The following XPR1 variants were observed in gnomAD, a reference collection of about 807,000 sequenced individuals.
XPR1 encodes solute carrier family 53 member 1.
A neutral mutation model predicts 87.5 loss-of-function variants in XPR1; 28 were observed. The ratio of observed to expected loss-of-function variants is 0.32; its 90% CI spans 0.24 to 0.44. XPR1 has a LOEUF of 0.44. Ranked by LOEUF, XPR1 falls within the 20% of genes least tolerant of loss-of-function variation. The probability of loss-of-function intolerance (pLI) is 1.00; values close to 1 mark genes in which losing one functional copy is unlikely to be tolerated. For synonymous variants in XPR1, 300 were observed against 306.1 expected (o/e 0.98, Z 0.21); for missense variants, 559 against 862.3 (o/e 0.65, Z 4.41).
At chr1:180,853,626 GAC>G (rs143320476) in intron 11 of XPR1, among the ~76,000 whole-genome samples, 42,067 of 139,962 alleles carry the variant, frequency 0.3, 6,470 homozygotes, top group East Asian at 0.64. Context: ...TTAGACTATA[GAC>G]ACACACACAC....
chr1:180,764,538 T>C (rs372642873), intron 2 of XPR1, among the ~76,000 whole-genome samples: 4 of 152,048 alleles, frequency 2.6e-5, no homozygotes, highest in East Asian at 3.9e-4. Context: ...AGTGCGATCA[T>C]GGCTCACTGC....
At chr1:180,644,390 C>T (rs112683182) in intron 1 of XPR1, among the ~76,000 whole-genome samples, 4 of 151,134 alleles carry the variant, frequency 2.6e-5, no homozygotes, top group Non-Finnish European at 5.9e-5. Flanking sequence ...GTTGGCTCTC[C>T]CTCTTCTGAT....
intron 2 of XPR1, among the ~76,000 whole-genome samples, chr1:180,736,833 T>C (rs1053125482): frequency 6.6e-5 from 10 of 152,152 alleles, no homozygotes; most frequent in Admixed American, 6.5e-4. Flanking sequence ...TGAGCAGGTA[T>C]ACGCAGATTT....
At chr1:180,670,037 G>T (rs766289066) in intron 1 of XPR1, among the ~76,000 whole-genome samples, 1 of 151,938 alleles carries the variant, frequency 6.6e-6, no homozygotes, top group Middle Eastern at 3.2e-3. Context: ...TCTCCTTTGT[G>T]TCTTTTAAGT....
At chr1:180,807,053 T>C (rs1454302140) in intron 6 of XPR1, among the ~76,000 whole-genome samples, 1 of 152,058 alleles carries the variant, frequency 6.6e-6, no homozygotes, top group African/African-American at 2.4e-5. Context: ...AGAGCTTCCA[T>C]AGCCTAATGA....
intron 7 of XPR1, among the ~76,000 whole-genome samples, chr1:180,816,262 G>A (rs1293025275): frequency 1.3e-5 from 2 of 152,164 alleles, no homozygotes; most frequent in Non-Finnish European, 2.9e-5. Flanking sequence ...CATAAGGAGC[G>A]CGCAACCTAG....
chr1:180,698,866 G>T (rs969379532), intron 2 of XPR1, among the ~76,000 whole-genome samples: 14 of 152,108 alleles, frequency 9.2e-5, no homozygotes, highest in Non-Finnish European at 1.0e-4. Context: ...TTTGTAGTGA[G>T]AAATCTGCTG....
chr1:180,699,442 C>T (rs1657284963), intron 2 of XPR1, among the ~76,000 whole-genome samples: 1 of 109,174 alleles, frequency 9.2e-6, no homozygotes, highest in Admixed American at 9.6e-5. Context: ...TCAATTCCCA[C>T]CTATGAGTGA....
At chr1:180,656,440 TATA>T (rs1175203127) in intron 1 of XPR1, among the ~76,000 whole-genome samples, 1 of 45,724 alleles carries the variant, frequency 2.2e-5, no homozygotes, top group Non-Finnish European at 4.0e-5. Context: ...TATATTTATA[TATA>T]AATATTTATA....
chr1:180,788,528 T>C (rs1391736593), intron 3 of XPR1, among the ~76,000 whole-genome samples: 1 of 152,150 alleles, frequency 6.6e-6, no homozygotes. Flanking sequence ...GTGAGTTAGA[T>C]TCAGAAGGAT....
chr1:180,677,179 C>T (rs1656395564), intron 1 of XPR1, among the ~76,000 whole-genome samples: 1 of 152,200 alleles, frequency 6.6e-6, no homozygotes, highest in East Asian at 1.9e-4. Flanking sequence ...ATGGGATGCC[C>T]AGGCTACCCA....
At chr1:180,647,001 C>T (rs1018415088) in intron 1 of XPR1, among the ~76,000 whole-genome samples, 1 of 152,210 alleles carries the variant, frequency 6.6e-6, no homozygotes, top group African/African-American at 2.4e-5. Context: ...GCAGTCAAAC[C>T]ACTCTGCTAA....
chr1:180,765,166 T>C (rs747847243), intron 2 of XPR1, among the ~76,000 whole-genome samples: 14 of 152,194 alleles, frequency 9.2e-5, no homozygotes, highest in Non-Finnish European at 5.9e-5. Context: ...AACAGTGCTA[T>C]GGATGAGGTA....
intron 2 of XPR1, among the ~76,000 whole-genome samples, chr1:180,742,220 T>A (rs1357846952): frequency 6.6e-6 from 1 of 152,142 alleles, no homozygotes; most frequent in Admixed American, 6.5e-5. Flanking sequence ...TTCTATTTTC[T>A]TAAAGTGGAA....
intron 1 of XPR1, among the ~76,000 whole-genome samples, chr1:180,676,885 C>T (rs940548985): frequency 2.6e-5 from 4 of 151,986 alleles, no homozygotes; most frequent in African/African-American, 4.8e-5. Flanking sequence ...AGATGTGGTC[C>T]ATTAATAAAG....
At chr1:180,672,837 A>G (rs1242434505) in intron 1 of XPR1, among the ~76,000 whole-genome samples, 4 of 152,128 alleles carry the variant, frequency 2.6e-5, no homozygotes, top group Middle Eastern at 3.2e-3. Context: ...AAGGTTGTTC[A>G]GATAAAAAAG....
intron 2 of XPR1, among the ~76,000 whole-genome samples, chr1:180,779,831 C>G (rs1233824457): frequency 2.0e-5 from 3 of 152,238 alleles, no homozygotes; most frequent in African/African-American, 7.2e-5. Flanking sequence ...CCCCGCTCCT[C>G]CTACCCCCAG....
rs143654752 is a variant in XPR1, at chr1:180,769,702, T to G, written c.122-18051T>G. On this transcript the variant is annotated intron_variant, in intron 2 of 14. Transcript: ENST00000367590. The stretch of plus-strand genomic sequence containing the variant: ...TCTGTCAATGGACATTTAGGTTGTT[T>G]CCAAGTCTTGGCTATTGTGAACGGC... Among the ~76,000 whole-genome samples the G allele has an allele frequency of 1.6e-3, 249 of 152,324 alleles. 5 individuals are homozygous for G. Among genetic ancestry groups the G allele is most frequent in the Non-Finnish European group, 5.4e-4 (37 of 68,020 alleles).
At chr1:180,648,180 C>T (rs1430146863) in intron 1 of XPR1, among the ~76,000 whole-genome samples, 1 of 152,120 alleles carries the variant, frequency 6.6e-6, no homozygotes, top group African/African-American at 2.4e-5. Context: ...TATTGTAATT[C>T]AGTTTCCTTT....
Sources: allele counts gnomAD v4.1 joint callset (sites outside exome capture counted in the v4.1 genomes callset), GRCh38; gene constraint gnomAD v4.1.1; transcripts MANE v1.5; gene names NCBI Gene and HGNC (gene_info 2026-07-23, HGNC 2026-07-21).